The following PDE4D variants were observed in gnomAD, a reference collection of about 807,000 sequenced individuals.
The protein encoded by PDE4D is phosphodiesterase 4D.
PDE4D carries 24 observed loss-of-function variants against 87.4 expected under a neutral mutation model. That is an observed-to-expected ratio of 0.27 (90% CI 0.20 to 0.39). The LOEUF (loss-of-function observed/expected upper bound fraction) is 0.39, where lower values mean the gene tolerates loss of function less well. Ranked by LOEUF, PDE4D falls within the 10% of genes least tolerant of loss-of-function variation. The pLI, the probability that PDE4D is intolerant of heterozygous loss-of-function variation, is 1.00. For missense variants in PDE4D, 714 were observed against 1,041.0 expected, an observed-to-expected ratio of 0.69 and a Z score of 4.32; for synonymous variants, 384 against 383.2, an observed-to-expected ratio of 1.00 and a Z score of -0.02.
At chr5:60,339,233 C>T (rs1468286707) in intron 1 of PDE4D, among the ~76,000 whole-genome samples, 1 of 151,980 alleles carries the variant, frequency 6.6e-6, no homozygotes, top group Non-Finnish European at 1.5e-5. Context: ...TTAAAGGAAG[C>T]ACTTTAGGGA....
At chr5:60,225,596 C>A (rs1744998762) in intron 1 of PDE4D, among the ~76,000 whole-genome samples, 1 of 152,070 alleles carries the variant, frequency 6.6e-6, no homozygotes, top group African/African-American at 2.4e-5. Flanking sequence ...AATCTGGGAT[C>A]ACTGATAAAA....
At chr5:59,395,185 G>C (rs1211382327) in intron 1 of PDE4D, among the ~76,000 whole-genome samples, 2 of 151,926 alleles carry the variant, frequency 1.3e-5, no homozygotes, top group Non-Finnish European at 2.9e-5. Context: ...GGCTTGCTTA[G>C]GTAAACAAAG....
intron 1 of PDE4D, among the ~76,000 whole-genome samples, chr5:59,225,460 T>C (rs932034970): frequency 2.0e-5 from 3 of 152,128 alleles, no homozygotes; most frequent in African/African-American, 7.2e-5. Context: ...TTTGTTCTTT[T>C]TCAAGATTGT....
At chr5:59,739,862 T>C (rs1022233339) in intron 1 of PDE4D, among the ~76,000 whole-genome samples, 2 of 152,122 alleles carry the variant, frequency 1.3e-5, no homozygotes, top group Non-Finnish European at 2.9e-5. Context: ...GGTAGGAATA[T>C]AAAATCATGT....
chr5:59,300,055 T>C (rs1277082603), intron 1 of PDE4D, among the ~76,000 whole-genome samples: 3 of 126,412 alleles, frequency 2.4e-5, no homozygotes, highest in Non-Finnish European at 3.1e-5. Context: ...GAGGTTGCAG[T>C]GAGCAGAGAT....
rs182035657 is a variant in PDE4D, at chr5:58,999,078, G to A, written c.922-5613C>T. Among the ~76,000 whole-genome samples the A allele has an allele frequency of 4.1e-3, 622 of 152,074 alleles. 1 individual carries two copies. The highest frequency in any genetic ancestry group is 0.017 in the South Asian group (83 of 4,810). ...TAAAGGTGAAAAAAACGTATTCCTC[G>A]TCAGGTTAAAGTAGTATAGATTTTT... On this transcript the variant is annotated intron_variant, in intron 6 of 14. Coordinates refer to ENST00000340635, the MANE Select transcript of PDE4D (RefSeq NM_001104631.2).
At chr5:59,912,111 T>A (rs1753510002) in intron 3 of PDE4D, among the ~76,000 whole-genome samples, 1 of 152,290 alleles carries the variant, frequency 6.6e-6, no homozygotes, top group South Asian at 2.1e-4. Flanking sequence ...GAATGATAAT[T>A]CCTACATCAA....
intron 5 of PDE4D, among the ~76,000 whole-genome samples, chr5:59,153,191 T>A (rs997537012): frequency 1.3e-5 from 2 of 152,148 alleles, no homozygotes; most frequent in African/African-American, 4.8e-5. Flanking sequence ...AGTGTTTCCA[T>A]GAGGCTGAAT....
intron 1 of PDE4D, among the ~76,000 whole-genome samples, chr5:60,326,914 A>G (rs956842754): frequency 2.0e-5 from 3 of 152,186 alleles, no homozygotes; most frequent in African/African-American, 4.8e-5. Flanking sequence ...AGGTAGACAC[A>G]GTAAAAAGTT....
At chr5:59,787,775 G>C (rs1381047767) in intron 1 of PDE4D, among the ~76,000 whole-genome samples, 3 of 152,142 alleles carry the variant, frequency 2.0e-5, no homozygotes, top group African/African-American at 7.2e-5. Flanking sequence ...TTCACTCCTT[G>C]AATTTGTATG....
At chr5:60,172,973 TC>T (rs1267271702) in intron 2 of PDE4D, among the ~76,000 whole-genome samples, 12 of 152,148 alleles carry the variant, frequency 7.9e-5, no homozygotes, top group African/African-American at 2.9e-4. Context: ...TAAAATGTCT[TC>T]CTAAACAAAA....
intron 2 of PDE4D, among the ~76,000 whole-genome samples, chr5:60,029,880 C>T (rs533025995): frequency 1.8e-4 from 27 of 152,114 alleles, no homozygotes; most frequent in African/African-American, 5.8e-4. Context: ...CTTGATGGTA[C>T]GGGGGCCCCA....
In PDE4D at chr5:58,970,609, A is replaced by G. The variant is rs1263016724; in HGVS notation, c.*4055T>C. 6.6e-6 allele frequency: 1 copy of G among 152,182 alleles called. No individual in the cohort carries two copies. Among genetic ancestry groups the G allele is most frequent in the East Asian group, 1.9e-4 (1 of 5,194 alleles). The allele number at this position is 152,182 out of a possible 1,614,324, so 9.4% of individuals were successfully genotyped here. On this transcript the variant is annotated 3_prime_UTR_variant, in exon 15 of 15. Coordinates refer to ENST00000340635, the MANE Select transcript of PDE4D (RefSeq NM_001104631.2). ...GATAGTGAATGCTTTCTGCTATGTAAACTGACATCAACCCACCTTTGCGTT... is the reference window on the plus strand; with the variant it reads ...GATAGTGAATGCTTTCTGCTATGTAGACTGACATCAACCCACCTTTGCGTT...
At chr5:59,585,719 T>C (rs1330116817) in intron 1 of PDE4D, among the ~76,000 whole-genome samples, 1 of 152,232 alleles carries the variant, frequency 6.6e-6, no homozygotes, top group Non-Finnish European at 1.5e-5. Flanking sequence ...CCTTAATAGA[T>C]GACCAAATAT....
intron 1 of PDE4D, among the ~76,000 whole-genome samples, chr5:59,811,071 C>T (rs1016508628): frequency 7.2e-5 from 11 of 152,098 alleles, no homozygotes; most frequent in Non-Finnish European, 1.0e-4. Context: ...AGAGCTGGGA[C>T]AGGTAACTCA....
chr5:59,492,892 C>A (rs1192811730), intron 1 of PDE4D, among the ~76,000 whole-genome samples: 1 of 152,072 alleles, frequency 6.6e-6, no homozygotes, highest in Non-Finnish European at 1.5e-5. Context: ...CTCTTTTTGC[C>A]TGCCACCATC....
At chr5:59,708,087 C>T (rs567431807) in intron 1 of PDE4D, among the ~76,000 whole-genome samples, 2 of 152,112 alleles carry the variant, frequency 1.3e-5, no homozygotes, top group African/African-American at 4.8e-5. Flanking sequence ...AGTGTAAAAG[C>T]GTTCCTACTT....
intron 6 of PDE4D, among the ~76,000 whole-genome samples, chr5:59,002,848 A>C (rs1209216901): frequency 6.6e-6 from 1 of 152,202 alleles, no homozygotes; most frequent in African/African-American, 2.4e-5. Flanking sequence ...CATAGCAATA[A>C]ATAACCAGAA....
intron 1 of PDE4D, among the ~76,000 whole-genome samples, chr5:60,466,564 TTAATA>T (rs1747371282): frequency 6.6e-6 from 1 of 152,190 alleles, no homozygotes; most frequent in African/African-American, 2.4e-5. Context: ...TTTTTAAACA[TTAATA>T]TTTTTTCTGT....
Sources: gnomAD v4.1 joint callset for allele counts (sites outside exome capture counted in the v4.1 genomes callset) on GRCh38, gnomAD v4.1.1 for gene constraint, MANE v1.5 for transcripts, NCBI Gene and HGNC (gene_info 2026-07-23, HGNC 2026-07-21) for gene names.